The following DNAI3 variants were observed in gnomAD, a reference collection of about 807,000 sequenced individuals.
DNAI3 encodes the protein dynein axonemal intermediate chain 3, also known as WD repeat domain 63.
Under a neutral mutation model 115.5 loss-of-function variants are expected in DNAI3, and 83 were observed. The observed-to-expected ratio is 0.72, with a 90% CI of 0.60 to 0.86. The LOEUF (loss-of-function observed/expected upper bound fraction) is 0.86, where lower values mean the gene tolerates loss of function less well. Among genes scored for constraint, DNAI3 ranks in the 40% least tolerant of loss-of-function variants. The pLI, the probability that DNAI3 is intolerant of heterozygous loss-of-function variation, is 0.00. For missense variants in DNAI3, 1,004 were observed against 1,075.8 expected (o/e 0.93, Z 0.93); for synonymous variants, 320 against 347.0 (o/e 0.92, Z 0.86).
At chr1:85,126,809 G>GT (rs1235223812) in intron 20 of DNAI3, 94 bp downstream of exon 20, 3 of 1,410,692 alleles carry the variant, frequency 2.1e-6, no homozygotes, top group Admixed American at 3.9e-5. Context: ...TTATTTCTTA[G>GT]TTTTTTGTTT....
chr1:85,100,938 A>G (rs1037309392), intron 13 of DNAI3, among the ~76,000 whole-genome samples: 2 of 149,986 alleles, frequency 1.3e-5, no homozygotes, highest in Admixed American at 6.6e-5. Context: ...ACACATGGAC[A>G]CAGGAAGGGG....
intron 19 of DNAI3, among the ~76,000 whole-genome samples, chr1:85,125,915 A>G (rs575993154): frequency 4.1e-4 from 62 of 152,332 alleles, no homozygotes; most frequent in African/African-American, 1.5e-3. Flanking sequence ...ACCCCATGGT[A>G]GAGAAAAGAG....
At chr1:85,074,987 C>T (rs373303703) in intron 3 of DNAI3, among the ~76,000 whole-genome samples, 5 of 152,282 alleles carry the variant, frequency 3.3e-5, no homozygotes, top group Admixed American at 2.0e-4. Flanking sequence ...CTTCTTAGTT[C>T]CATCTCTCAT....
intron 17 of DNAI3, among the ~76,000 whole-genome samples, chr1:85,120,291 G>A (rs937433637): frequency 3.3e-5 from 5 of 152,218 alleles, no homozygotes; most frequent in African/African-American, 1.2e-4. Context: ...CGTGGGCTGA[G>A]GGAAGGGAGT....
chr1:85,084,417 C>CA (rs895633242), intron 5 of DNAI3, 129 bp from the exon 6 acceptor site: 113 of 641,660 alleles, frequency 1.8e-4, no homozygotes, highest in South Asian at 2.2e-4. Flanking sequence ...TGTGAATTGA[C>CA]AAAAAAAAGT....
Position 85,090,312 on chromosome 1 carries a change from A to G in DNAI3, c.857+80A>G, listed in dbSNP as rs1557713307. ...ATAGAATAACAGGTCTAAATAAACA[A>G]TTCCATATAGGGTATCTAGATAAAA... is the stretch of plus-strand genomic sequence containing the variant. On this transcript the variant is annotated intron_variant, in intron 8 of 22. Transcript: ENST00000294664. 45 of 694,254 alleles carry G rather than the reference A, an allele frequency of 6.5e-5. No homozygotes were observed. The East Asian group carries it at 1.4e-3, about 22-fold the overall frequency. 43.0% of individuals were successfully genotyped at this position (694,254 alleles called of 1,614,324 possible).
In DNAI3 at chr1:85,126,503, G is replaced by A. The variant is rs147802675; in HGVS notation, c.2113-8G>A. 3 of 1,597,652 alleles carry A rather than the reference G, an allele frequency of 1.9e-6. No individual in the cohort carries two copies. Among genetic ancestry groups the A allele is most frequent in the African/African-American group, 1.3e-5 (1 of 74,148 alleles). ...TCTTTATTTGTCTTTTTAAAAATTT[G>A]TTTAAAGACTGGACCGCTCCTTCAG... is the stretch of plus-strand genomic sequence containing the variant. On this transcript the variant is annotated splice_region_variant and splice_polypyrimidine_tract_variant and intron_variant, in intron 19 of 22. Coordinates refer to ENST00000294664, the MANE Select transcript of DNAI3 (RefSeq NM_145172.5).
intron 16 of DNAI3, among the ~76,000 whole-genome samples, chr1:85,113,672 TGTAA>T (rs1655723534): frequency 6.6e-6 from 1 of 152,152 alleles, no homozygotes; most frequent in African/African-American, 2.4e-5. Flanking sequence ...TTTTGACTGT[TGTAA>T]GTTTTTTGCT....
At chr1:85,096,763 T>C (rs1655137056) in intron 11 of DNAI3, among the ~76,000 whole-genome samples, 1 of 152,058 alleles carries the variant, frequency 6.6e-6, no homozygotes, top group Non-Finnish European at 1.5e-5. Context: ...AATGTAAATG[T>C]CTGCAGCTTC....
At chr1:85,100,442 AGAATGGC>A (rs1655261314) in intron 13 of DNAI3, among the ~76,000 whole-genome samples, 1 of 152,256 alleles carries the variant, frequency 6.6e-6, no homozygotes, top group African/African-American at 2.4e-5. Flanking sequence ...CACACCAGTT[AGAATGGC>A]GATCATTAAA....
chr1:85,100,110 A>G (rs1655246646), intron 13 of DNAI3, among the ~76,000 whole-genome samples: 2 of 152,244 alleles, frequency 1.3e-5, no homozygotes, highest in Non-Finnish European at 2.9e-5. Flanking sequence ...ACAAAAGCCA[A>G]AATTGACAAA....
intron 16 of DNAI3, among the ~76,000 whole-genome samples, chr1:85,114,628 T>A (rs551750858): frequency 1.3e-5 from 2 of 152,296 alleles, no homozygotes; most frequent in South Asian, 2.1e-4. Context: ...GACTTTGAGA[T>A]CAACTATGGT....
At chr1:85,106,280 T>C (rs914148105) in intron 14 of DNAI3, among the ~76,000 whole-genome samples, 1 of 152,196 alleles carries the variant, frequency 6.6e-6, no homozygotes, top group Admixed American at 6.5e-5. Context: ...TTCATCAAAA[T>C]TAAAACTTTT....
chr1:85,071,619 C>T (rs529641140), intron 1 of DNAI3, among the ~76,000 whole-genome samples: 2 of 152,278 alleles, frequency 1.3e-5, no homozygotes, highest in Non-Finnish European at 2.9e-5. Flanking sequence ...CAGTGAGAGG[C>T]GGGGAAGCCA....
In DNAI3 at chr1:85,085,911, AG is replaced by A; in HGVS notation, c.622del (p.Asp208MetfsTer27). ...GTGACCAGAATGCTTCCAGTGTAAA[AG>A]ATGCCTATATTGAATGTACAGCCTA... ...FSDQNASSVK[D>X]AYIECTAYPD... On this transcript the variant is annotated frameshift_variant, in exon 7 of 23. Transcript: ENST00000294664. LOFTEE classifies it high-confidence loss of function. 1 of 1,614,194 alleles carries A rather than the reference AG, an allele frequency of 6.2e-7. No individual in the cohort carries two copies. Among genetic ancestry groups the A allele is most frequent in the Non-Finnish European group, 8.5e-7 (1 of 1,180,026 alleles).
At chr1:85,104,278 G>A (rs1374335642) in intron 13 of DNAI3, among the ~76,000 whole-genome samples, 3 of 151,696 alleles carry the variant, frequency 2.0e-5, no homozygotes, top group Non-Finnish European at 4.4e-5. Context: ...CCACCACCAC[G>A]CCCGGCTAAT....
intron 5 of DNAI3, among the ~76,000 whole-genome samples, chr1:85,084,123 T>C (rs1476384777): frequency 4.3e-5 from 1 of 23,404 alleles, no homozygotes; most frequent in Non-Finnish European, 9.7e-5. Flanking sequence ...ATTTGGTTGA[T>C]TTTTTTTTTT....
At chr1:85,082,236 T>C (rs1459109704) in intron 4 of DNAI3, 64 bp from the exon 5 acceptor site, 1 of 1,268,278 alleles carries the variant, frequency 7.9e-7, no homozygotes, top group Non-Finnish European at 1.1e-6. Flanking sequence ...AATTTTGTGT[T>C]GGCATCAAAA....
At position 85,108,510 on chromosome 1, in the gene DNAI3, T is replaced by G. The variant is rs1029440777; in HGVS notation, c.1698+333T>G. The stretch of plus-strand genomic sequence containing the variant: ...ATATGGTTGCTGATGTAGCTGATGT[T>G]TGCAATATACAGAAAAAGGGAGCAG... On this transcript the variant is annotated intron_variant, in intron 15 of 22. Coordinates refer to ENST00000294664, the MANE Select transcript of DNAI3 (RefSeq NM_145172.5). Among the ~76,000 whole-genome samples, 5 of 152,304 alleles carry G rather than the reference T, an allele frequency of 3.3e-5. No homozygotes were observed. In the East Asian group the frequency reaches 9.6e-4, roughly 29 times the overall value.
Sources: allele counts gnomAD v4.1 joint callset (sites outside exome capture counted in the v4.1 genomes callset), GRCh38; gene constraint gnomAD v4.1.1; transcripts MANE v1.5; gene names NCBI Gene and HGNC (gene_info 2026-07-23, HGNC 2026-07-21).